Variants in CENPC observed in about 807,000 individuals in gnomAD.
CENPC encodes CENP-C 1.
Under a neutral mutation model 112.1 loss-of-function variants are expected in CENPC, and 63 were observed. That is an observed-to-expected ratio of 0.56 (90% CI 0.46 to 0.69). The LOEUF (loss-of-function observed/expected upper bound fraction) is 0.69, where lower values mean the gene tolerates loss of function less well. Ranked by LOEUF, CENPC falls within the 30% of genes least tolerant of loss-of-function variation. The pLI is 0.00. For missense variants in CENPC, 1,000 were observed against 1,103.8 expected, an observed-to-expected ratio of 0.91 and a Z score of 1.33; for synonymous variants, 333 against 367.6, an observed-to-expected ratio of 0.91 and a Z score of 1.08.
At chr4:67,490,609 T>C (rs527358531) in intron 16 of CENPC, among the ~76,000 whole-genome samples, 9 of 151,808 alleles carry the variant, frequency 5.9e-5, no homozygotes, top group South Asian at 2.1e-4. Flanking sequence ...ACCATGCCAA[T>C]AGATTTTTTT....
At chr4:67,490,844 ATATATATATATATATATATATAT>A (rs1725231456) in intron 16 of CENPC, among the ~76,000 whole-genome samples, 1 of 9,454 alleles carries the variant, frequency 1.1e-4, no homozygotes, top group Non-Finnish European at 3.2e-4. Flanking sequence ...ATAAATATAT[ATATATATATATATATATATATAT>A]ATATATATAT....
At chr4:67,507,712 T>C (rs759327972) in intron 10 of CENPC, among the ~76,000 whole-genome samples, 4 of 152,022 alleles carry the variant, frequency 2.6e-5, no homozygotes, top group East Asian at 1.9e-4. Flanking sequence ...TTTCAAAAAA[T>C]AGAGAGATAA....
chr4:67,489,215 CACACACAT>C (rs1415001806), intron 17 of CENPC, among the ~76,000 whole-genome samples: 1 of 151,316 alleles, frequency 6.6e-6, no homozygotes, highest in Non-Finnish European at 1.5e-5. Context: ...CACACACACA[CACACACAT>C]ACACACATAT....
chr4:67,485,900 G>A (rs928530169), intron 17 of CENPC, among the ~76,000 whole-genome samples: 2 of 152,086 alleles, frequency 1.3e-5, no homozygotes, highest in Admixed American at 6.6e-5. Context: ...AATGGCAAAG[G>A]GGGGGAGTTT....
intron 18 of CENPC, chr4:67,474,656 C>T: frequency 2.4e-6 from 1 of 412,994 alleles, no homozygotes; most frequent in Non-Finnish European, 4.3e-6. Flanking sequence ...TGAGATCGTG[C>T]CACTGCACTC....
chr4:67,511,010 T>G (rs1725878688), intron 9 of CENPC: 1 of 456,032 alleles, frequency 2.2e-6, no homozygotes, highest in African/African-American at 2.0e-5. Flanking sequence ...ACATAGTACT[T>G]AGCATTTCAG....
chr4:67,545,368 CTG>C lies in CENPC; in HGVS notation c.-15_-14del. On this transcript the variant is annotated 5_prime_UTR_variant, in exon 1 of 19. Coordinates refer to ENST00000273853, the MANE Select transcript of CENPC (RefSeq NM_001812.4). ...CGGACGCAGCCATGTTCCGGCCCCG[CTG>C]AGCCAGCGCAACTGTCTGAGGTGGA... 1 of 1,524,838 alleles carries C rather than the reference CTG, an allele frequency of 6.6e-7. No individual in the cohort carries two copies. Among genetic ancestry groups the C allele is most frequent in the East Asian group, 2.6e-5 (1 of 38,310 alleles). 94.5% of individuals were successfully genotyped at this position (1,524,838 alleles called of 1,614,324 possible). A position where few individuals can be genotyped will look rare whatever the true frequency, so the allele number is the denominator to read the frequency against.
chr4:67,533,138 C>G (rs941335497), intron 4 of CENPC, among the ~76,000 whole-genome samples: 1 of 152,140 alleles, frequency 6.6e-6, no homozygotes, highest in Non-Finnish European at 1.5e-5. Flanking sequence ...CAGAATTTCC[C>G]TGTGTTGTGG....
intron 13 of CENPC, 33 bp from the exon 14 acceptor site, chr4:67,494,021 T>C (rs773219449): frequency 2.6e-5 from 36 of 1,391,228 alleles, no homozygotes; most frequent in Non-Finnish European, 3.2e-5. Context: ...AGTGTATACA[T>C]AGTTTTTAGT....
At chr4:67,501,538 C>CGACGATCCAGGACTGGATCTT (rs1725590342) in intron 12 of CENPC, among the ~76,000 whole-genome samples, 1 of 152,134 alleles carries the variant, frequency 6.6e-6, no homozygotes, top group East Asian at 1.9e-4. Flanking sequence ...TAAATGCAGT[C>CGACGATCCAGGACTGGATCTT]GACGATCCAG....
At chr4:67,539,572 TA>T (rs1185099949) in intron 4 of CENPC, among the ~76,000 whole-genome samples, 1 of 152,168 alleles carries the variant, frequency 6.6e-6, no homozygotes, top group Non-Finnish European at 1.5e-5. Flanking sequence ...CCCATTTTCC[TA>T]AAAACCTAAT....
chr4:67,491,460 TATATATATATATATATATATAG>T (rs1378146098), intron 16 of CENPC, among the ~76,000 whole-genome samples: 5 of 58,336 alleles, frequency 8.6e-5, no homozygotes, highest in African/African-American at 3.1e-4. Flanking sequence ...TATATATATA[TATATATATATATATATATATAG>T]AGAGAGAGAG....
chr4:67,487,073 T>G (rs1266425227), intron 17 of CENPC, among the ~76,000 whole-genome samples: 1 of 151,952 alleles, frequency 6.6e-6, no homozygotes, highest in Non-Finnish European at 1.5e-5. Flanking sequence ...GGTTGTATTC[T>G]TTTTAGTTAT....
intron 5 of CENPC, among the ~76,000 whole-genome samples, chr4:67,525,560 A>T (rs1032934883): frequency 6.6e-6 from 1 of 152,182 alleles, no homozygotes; most frequent in African/African-American, 2.4e-5. Flanking sequence ...CAACAAACAT[A>T]ATTAAAAAAA....
chr4:67,489,181 A>G (rs937935358), intron 17 of CENPC, among the ~76,000 whole-genome samples: 6 of 141,572 alleles, frequency 4.2e-5, no homozygotes, highest in African/African-American at 1.5e-4. Flanking sequence ...TATATATAAA[A>G]TATTCCTGTT....
chr4:67,488,586 C>T (rs1725154226), intron 17 of CENPC, among the ~76,000 whole-genome samples: 1 of 151,848 alleles, frequency 6.6e-6, no homozygotes, highest in Non-Finnish European at 1.5e-5. Flanking sequence ...TGAATATTAG[C>T]CAGATTACAC....
At chr4:67,509,331 G>A (rs1465199950) in intron 9 of CENPC, among the ~76,000 whole-genome samples, 1 of 150,710 alleles carries the variant, frequency 6.6e-6, no homozygotes, top group Non-Finnish European at 1.5e-5. Context: ...TATGAAACAG[G>A]CCCTTCAAAT....
rs1725696984 is a variant in CENPC, at chr4:67,505,071, T to A, written c.2131+134A>T. On this transcript the variant is annotated intron_variant, in intron 12 of 18. Coordinates refer to ENST00000273853, the MANE Select transcript of CENPC (RefSeq NM_001812.4). ...ACTTAGGTACAGGGTCTTATTAATC[T>A]CTAACTAAGGGTCTTAAGAGGTAGG... is the stretch of plus-strand genomic sequence containing the variant. 7.7e-6 allele frequency: 5 copies of A among 648,286 alleles called. No individual in the cohort carries two copies. The East Asian group carries it at 1.4e-4, about 19-fold the overall frequency. 40.2% of individuals were successfully genotyped at this position (648,286 alleles called of 1,614,324 possible). A position where few individuals can be genotyped will look rare whatever the true frequency, so the allele number is the denominator to read the frequency against.
At chr4:67,496,002 G>T (rs903451503) in intron 12 of CENPC, among the ~76,000 whole-genome samples, 5 of 152,192 alleles carry the variant, frequency 3.3e-5, no homozygotes, top group African/African-American at 1.2e-4. Context: ...CAACAGAAAT[G>T]ATGTTCTGGG....
Sources: gnomAD v4.1 joint callset for allele counts (sites outside exome capture counted in the v4.1 genomes callset) on GRCh38, gnomAD v4.1.1 for gene constraint, MANE v1.5 for transcripts, NCBI Gene and HGNC (gene_info 2026-07-23, HGNC 2026-07-21) for gene names.